SDK1: variants seen among roughly 807,000 people sequenced by gnomAD.
SDK1 encodes sidekick cell adhesion molecule 1.
A neutral mutation model predicts 245.5 loss-of-function variants in SDK1; 157 were observed. That is an observed-to-expected ratio of 0.64 (90% confidence interval 0.56 to 0.73). SDK1 has a LOEUF of 0.73. Among genes scored for constraint, SDK1 ranks in the 30% least tolerant of loss-of-function variants. The pLI is 0.00. For synonymous variants in SDK1, 1,647 were observed against 1,278.5 expected, an observed-to-expected ratio of 1.29 and a Z score of -6.15; for missense variants, 3,583 against 3,002.3, an observed-to-expected ratio of 1.19 and a Z score of -4.52.
chr7:3,721,614 C>G (rs1388437452), intron 4 of SDK1, among the ~76,000 whole-genome samples: 1 of 152,132 alleles, frequency 6.6e-6, no homozygotes, highest in Admixed American at 6.5e-5. Flanking sequence ...TCTGCTCTAA[C>G]CAGGCATCAG....
chr7:4,100,025 G>T (rs1435466754), intron 22 of SDK1, among the ~76,000 whole-genome samples: 1 of 152,194 alleles, frequency 6.6e-6, no homozygotes, highest in African/African-American at 2.4e-5. Context: ...GCCCAGCCAG[G>T]CCTCATGCCC....
chr7:3,464,407 G>C (rs1780925977), intron 1 of SDK1, among the ~76,000 whole-genome samples: 1 of 152,114 alleles, frequency 6.6e-6, no homozygotes, highest in African/African-American at 2.4e-5. Flanking sequence ...TGTAGCCCCA[G>C]CTACACAGGA....
chr7:3,610,844 C>T (rs1246577909), intron 1 of SDK1, among the ~76,000 whole-genome samples: 1 of 152,228 alleles, frequency 6.6e-6, no homozygotes, highest in African/African-American at 2.4e-5. Context: ...CTCAGGGACC[C>T]TCCTGCTTTC....
chr7:4,265,769 G>C lies in SDK1; in HGVS notation c.*385G>C, dbSNP rs967324083. On this transcript the variant is annotated 3_prime_UTR_variant, in exon 45 of 45. Coordinates refer to ENST00000404826, the MANE Select transcript of SDK1 (RefSeq NM_152744.4). Reference sequence around the variant, plus strand: ...GAGTGGAGGGTCAGGTGAGATCTCAGAGCTGCCCCGGCCGGCCCCCGTCTC... The same window carrying C: ...GAGTGGAGGGTCAGGTGAGATCTCACAGCTGCCCCGGCCGGCCCCCGTCTC... 8 of 1,023,724 alleles carry C rather than the reference G, an allele frequency of 7.8e-6. No individual in the cohort carries two copies. Among genetic ancestry groups the C allele is most frequent in the African/African-American group, 1.7e-5 (1 of 58,428 alleles). The allele number at this position is 1,023,724 out of a possible 1,614,324, so 63.4% of individuals were successfully genotyped here.
intron 4 of SDK1, among the ~76,000 whole-genome samples, chr7:3,700,622 A>C (rs573821920): frequency 6.6e-6 from 1 of 152,316 alleles, no homozygotes; most frequent in South Asian, 2.1e-4. Flanking sequence ...GAAAAGCAAA[A>C]AAGAAATCAG....
At chr7:4,103,359 C>T (rs113095279) in intron 22 of SDK1, among the ~76,000 whole-genome samples, 2 of 152,342 alleles carry the variant, frequency 1.3e-5, no homozygotes, top group African/African-American at 4.8e-5. Context: ...TACATCAGCA[C>T]ATTGTTAGTG....
Position 3,303,774 on chromosome 7 carries a change from A to G in SDK1, c.298+1890A>G, listed in dbSNP as rs1283119411. Among the ~76,000 whole-genome samples, 3 of 152,162 alleles carry G rather than the reference A, an allele frequency of 2.0e-5. No homozygotes were observed. In the East Asian group the frequency reaches 5.8e-4, roughly 29 times the overall value. ...CATCTTTTTTTATATCGTATTGAAAATTCATATTACAGAGGAGATGTCACC... is the reference window on the plus strand; with the variant it reads ...CATCTTTTTTTATATCGTATTGAAAGTTCATATTACAGAGGAGATGTCACC... On this transcript the variant is annotated intron_variant, in intron 1 of 44. Transcript: ENST00000404826.
At chr7:3,342,776 T>G (rs4722705) in intron 1 of SDK1, among the ~76,000 whole-genome samples, 60,149 of 151,888 alleles carry the variant, frequency 0.4, 12,269 homozygotes, top group African/African-American at 0.5. Context: ...GAAAATATTT[T>G]CATCTGTCTG....
chr7:4,028,314 C>G (rs1045011723), intron 17 of SDK1, among the ~76,000 whole-genome samples: 25 of 152,164 alleles, frequency 1.6e-4, no homozygotes, highest in African/African-American at 5.6e-4. Context: ...GCCCCACCAG[C>G]TGTCATAGCA....
At chr7:3,618,182 AC>A (rs1781827864) in intron 1 of SDK1, among the ~76,000 whole-genome samples, 1 of 152,192 alleles carries the variant, frequency 6.6e-6, no homozygotes. Context: ...GATCTACAAA[AC>A]ATTGACAAAT....
chr7:3,502,602 T>C (rs1227396828), intron 1 of SDK1, among the ~76,000 whole-genome samples: 4 of 152,234 alleles, frequency 2.6e-5, no homozygotes, highest in Admixed American at 2.6e-4. Flanking sequence ...TGATTGCACA[T>C]ACAAAATTTG....
At chr7:3,868,052 T>C (rs2115128690) in intron 5 of SDK1, among the ~76,000 whole-genome samples, 1 of 152,330 alleles carries the variant, frequency 6.6e-6, no homozygotes, top group South Asian at 2.1e-4. Context: ...TTTCACGGAA[T>C]GTTAATCCTG....
chr7:3,697,730 T>G (rs143087570), intron 4 of SDK1, among the ~76,000 whole-genome samples: 40 of 152,302 alleles, frequency 2.6e-4, no homozygotes, highest in Admixed American at 5.9e-4. Context: ...ACAGTAGGTT[T>G]TGCTGCTTTT....
intron 1 of SDK1, among the ~76,000 whole-genome samples, chr7:3,368,852 G>C (rs1781154556): frequency 1.3e-5 from 2 of 152,098 alleles, no homozygotes; most frequent in African/African-American, 4.8e-5. Flanking sequence ...CATAACATTT[G>C]ATTGGTATTA....
At chr7:3,422,877 A>C (rs1415950928) in intron 1 of SDK1, among the ~76,000 whole-genome samples, 2 of 152,196 alleles carry the variant, frequency 1.3e-5, no homozygotes, top group African/African-American at 2.4e-5. Context: ...GATAGCATTT[A>C]TTGAATGTTG....
Position 4,139,615 on chromosome 7 carries a change from ATG to A in SDK1, c.4229-6097_4229-6096del, listed in dbSNP as rs1176874900. Among the ~76,000 whole-genome samples the A allele has an allele frequency of 4.0e-3, 148 of 36,808 alleles. 9 individuals carry two copies. Among genetic ancestry groups the A allele is most frequent in the South Asian group, 0.02 (16 of 804 alleles). 24.1% of individuals were successfully genotyped at this position (36,808 alleles called of 152,430 possible). On this transcript the variant is annotated intron_variant, in intron 28 of 44. Transcript: ENST00000404826. ...TGTATATGTATATATGTGTGTGTATATGTGTGTGTGTATATGTATATATGTGT... is the reference window on the plus strand; with the variant it reads ...TGTATATGTATATATGTGTGTGTATATGTGTGTGTATATGTATATATGTGT...
chr7:4,085,424 G>C (rs1035289976), intron 22 of SDK1, among the ~76,000 whole-genome samples: 12 of 152,244 alleles, frequency 7.9e-5, no homozygotes, highest in African/African-American at 2.9e-4. Flanking sequence ...TTGCAGTACT[G>C]TTCTAAAGCC....
At position 3,974,369 on chromosome 7, in the gene SDK1, C is replaced by A. The variant is rs144399003; in HGVS notation, c.1818C>A (p.Arg606=). 3.7e-6 allele frequency: 6 copies of A among 1,611,064 alleles called. No individual in the cohort carries two copies. In the South Asian group the frequency reaches 5.5e-5, roughly 15 times the overall value. ...GATHDPRVSL[R]YVWKKDNVAL... Reference sequence around the variant, plus strand: ...TCAAGACCCTTTGCTTGGCCCACAGCTACGTTTGGAAGAAGGACAACGTGG... The same window carrying A: ...TCAAGACCCTTTGCTTGGCCCACAGATACGTTTGGAAGAAGGACAACGTGG... Residue 606 remains arginine (R), a splice_region_variant and synonymous_variant, in exon 13 of 45, where the codon CGC becomes CGA. Coordinates refer to ENST00000404826, the MANE Select transcript of SDK1 (RefSeq NM_152744.4).
At chr7:3,424,306 G>C (rs888828831) in intron 1 of SDK1, among the ~76,000 whole-genome samples, 7 of 152,140 alleles carry the variant, frequency 4.6e-5, no homozygotes, top group Non-Finnish European at 8.8e-5. Context: ...AATCAGAATA[G>C]CTTGATGTAG....
Sources: allele counts gnomAD v4.1 joint callset (sites outside exome capture counted in the v4.1 genomes callset), GRCh38; gene constraint gnomAD v4.1.1; transcripts MANE v1.5; gene names NCBI Gene and HGNC (gene_info 2026-07-23, HGNC 2026-07-21).